The following TCF19 variants were observed in gnomAD, a reference collection of about 807,000 sequenced individuals.
TCF19 encodes transcription factor 19.
Under a neutral mutation model 18.3 loss-of-function variants are expected in TCF19, and 9 were observed. That is an observed-to-expected ratio of 0.49 (90% confidence interval 0.30 to 0.86). The LOEUF is 0.86. TCF19 is among the 40% of genes least tolerant of loss of function. TCF19 has a pLI of 0.07. For synonymous variants in TCF19, 176 were observed against 185.3 expected (o/e 0.95, Z 0.41); for missense variants, 376 against 464.3 (o/e 0.81, Z 1.75).
chr6:31,161,465 TCCGA>T lies in TCF19; in HGVS notation c.259_262del (p.Arg87SerfsTer9). 7.0e-7 allele frequency: 1 copy of T among 1,421,972 alleles called. No homozygotes were observed. Among genetic ancestry groups the T allele is most frequent in the Non-Finnish European group, 9.2e-7 (1 of 1,082,602 alleles). 88.1% of individuals were successfully genotyped at this position (1,421,972 alleles called of 1,614,324 possible). ...TCAACAGGTACTTTGGTCAATAATG[TCCGA>T]CTCCCAAGAGGTCACAGGCTGGAAT... is the stretch of plus-strand genomic sequence containing the variant. On this transcript the variant is annotated frameshift_variant, in exon 3 of 4. Coordinates refer to ENST00000376257, the MANE Select transcript of TCF19 (RefSeq NM_007109.3). LOFTEE classifies it high-confidence loss of function.
At position 31,163,608 on chromosome 6, in the gene TCF19, C is replaced by CCACG. The variant is rs1462970860; in HGVS notation, c.*892_*895dup. 5.1e-6 allele frequency: 5 copies of CCACG among 985,470 alleles called. No homozygotes were observed. The highest frequency in any genetic ancestry group is 6.0e-6 in the Non-Finnish European group (5 of 829,976). 61.0% of individuals were successfully genotyped at this position (985,470 alleles called of 1,614,324 possible). On this transcript the variant is annotated 3_prime_UTR_variant, in exon 4 of 4. Transcript: ENST00000376257. ...GTGATGGCTGTGACACAGCTCCACT[C>CCACG]CACGGGTGGACACAGCAGAGGGCAA...
chr6:31,161,017 G>C (rs1008087703), intron 2 of TCF19, among the ~76,000 whole-genome samples: 3 of 150,896 alleles, frequency 2.0e-5, no homozygotes, highest in African/African-American at 7.3e-5. Context: ...TTAGCCAGAC[G>C]TGGTGGCACA....
intron 2 of TCF19, 105 bp downstream of exon 2, chr6:31,159,812 A>G: frequency 2.6e-6 from 3 of 1,167,986 alleles, no homozygotes. Context: ...TACTCCCATC[A>G]GATTGGATGG....
Position 31,161,123 on chromosome 6 carries a change from C to A in TCF19, c.239-324C>A, listed in dbSNP as rs866469271. Among the ~76,000 whole-genome samples the A allele has an allele frequency of 1.6e-4, 17 of 105,800 alleles. No homozygotes were observed. The East Asian group carries it at 6.5e-3, about 40-fold the overall frequency. 69.4% of individuals were successfully genotyped at this position (105,800 alleles called of 152,430 possible). A position where few individuals can be genotyped will look rare whatever the true frequency, so the allele number is the denominator to read the frequency against. ...GAGCTGAGATTGCACTACTGCACTC[C>A]AGCTTGGGCAATAGAGCAAAACTCC... On this transcript the variant is annotated intron_variant, in intron 2 of 3. Transcript: ENST00000376257.
rs1776930402 is a variant in TCF19, at chr6:31,163,369, T to C, written c.*652T>C. The C allele has an allele frequency of 6.1e-6, 6 of 985,756 alleles. No individual in the cohort carries two copies. The highest frequency in any genetic ancestry group is 7.2e-6 in the Non-Finnish European group (6 of 830,168). 61.1% of individuals were successfully genotyped at this position (985,756 alleles called of 1,614,324 possible). A position where few individuals can be genotyped will look rare whatever the true frequency, so the allele number is the denominator to read the frequency against. On this transcript the variant is annotated 3_prime_UTR_variant, in exon 4 of 4. Coordinates refer to ENST00000376257, the MANE Select transcript of TCF19 (RefSeq NM_007109.3). ...GGAGAGATGGAAATACAAACCTGCT[T>C]ACTGGAAAGGTGCAAATATATGGGT...
rs1776840171 is a variant in TCF19, at chr6:31,162,345, G to A, written c.798-132G>A. On this transcript the variant is annotated intron_variant, in intron 3 of 3. Transcript: ENST00000376257. This position sits in a 1 kb window ranked among gnomAD's most constrained non-coding sequence, Gnocchi z 4.5. Reference sequence around the variant, plus strand: ...CACCCTATGTGTTTTTAAGGACAGAGTCCAGGCTCACCTTAGTTCTCAGAC... The same window carrying A: ...CACCCTATGTGTTTTTAAGGACAGAATCCAGGCTCACCTTAGTTCTCAGAC... The A allele has an allele frequency of 7.4e-7, 1 of 1,348,114 alleles. No individual in the cohort carries two copies. Among genetic ancestry groups the A allele is most frequent in the Non-Finnish European group, 1.0e-6 (1 of 989,348 alleles). 83.5% of individuals were successfully genotyped at this position (1,348,114 alleles called of 1,614,324 possible).
At position 31,159,210 on chromosome 6, in the gene TCF19, C is replaced by T; in HGVS notation, c.-260C>T. 2.1e-6 allele frequency: 1 copy of T among 482,394 alleles called. No homozygotes were observed. Among genetic ancestry groups the T allele is most frequent in the East Asian group, 3.3e-5 (1 of 30,438 alleles). 29.9% of individuals were successfully genotyped at this position (482,394 alleles called of 1,614,324 possible). On this transcript the variant is annotated 5_prime_UTR_variant, in exon 2 of 4. Transcript: ENST00000376257. ...CAAGTGAGGTGCCATAGGACGTGTT[C>T]CTGAGTTTGCATTGCACGGAGACCT...
Position 31,161,849 on chromosome 6 carries a change from C to T in TCF19, c.641C>T (p.Thr214Met), listed in dbSNP as rs748413036. 24 of 1,613,024 alleles carry T rather than the reference C, an allele frequency of 1.5e-5. 1 individual carries two copies. Among genetic ancestry groups the T allele is most frequent in the Middle Eastern group, 1.7e-4 (1 of 6,060 alleles). ...GCCCCACCTGGGGAAATGGGGACCA[C>T]GCCTTCTGCTCCACCACAACGCAAT... Reference protein sequence around the residue: ...VPAPPGEMGTTPSAPPQRNRR... With the variant: ...VPAPPGEMGTMPSAPPQRNRR... Residue 214 changes from threonine (T) to methionine (M), a missense_variant, in exon 3 of 4, where the codon ACG (threonine) becomes ATG (methionine). Thr to Met is a moderately conservative substitution (Grantham distance 81). Coordinates refer to ENST00000376257, the MANE Select transcript of TCF19 (RefSeq NM_007109.3).
In TCF19 at chr6:31,158,632, G is replaced by T. The variant is rs17197101; in HGVS notation, c.-664G>T. On this transcript the variant is annotated 5_prime_UTR_variant, in exon 1 of 4. Transcript: ENST00000376257. ...CTGTCAAACAGATGCAGCAACGTCG[G>T]CTCCTGCCGAGGAGCCCAAGGGGTC... The T allele has an allele frequency of 0.09, 13,655 of 152,306 alleles. 731 individuals are homozygous for T. The highest frequency in any genetic ancestry group is 0.19 in the Middle Eastern group (56 of 294). The allele number at this position is 152,306 out of a possible 1,614,324, so 9.4% of individuals were successfully genotyped here.
chr6:31,161,728 C>G lies in TCF19; in HGVS notation c.520C>G (p.Leu174Val), dbSNP rs947027874. Residue 174 changes from leucine (L) to valine (V), a missense_variant, in exon 3 of 4, where the codon CTG (leucine) becomes GTG (valine). Coordinates refer to ENST00000376257, the MANE Select transcript of TCF19 (RefSeq NM_007109.3). ...STFSPAPKAT[L>V]ILNSIGSLSK... The stretch of plus-strand genomic sequence containing the variant: ...CTTCTCCCCTGCCCCCAAGGCCACA[C>G]TGATCCTAAACTCCATAGGCAGCCT... The G allele has an allele frequency of 3.2e-6, 5 of 1,567,524 alleles. No individual in the cohort carries two copies. The highest frequency in any genetic ancestry group is 1.8e-5 in the Admixed American group (1 of 56,176).
intron 2 of TCF19, 36 bp downstream of exon 2, chr6:31,159,743 G>T: frequency 1.9e-6 from 3 of 1,607,930 alleles, no homozygotes; most frequent in Non-Finnish European, 2.6e-6. Flanking sequence ...CCCCTGGGTG[G>T]TTGAAGCGCC....
chr6:31,162,508 G>A lies in TCF19; in HGVS notation c.829G>A (p.Val277Met). ...NRRGRPRKYP[V>M]SAPMAPPAVG... ...ACGTGGCCGTCCTCGGAAGTACCCA[G>A]TGAGCGCTCCCATGGCTCCCCCTGC... The change falls in exon 4 of 4, where the codon GTG (valine) becomes ATG (methionine). Residue 277 changes from valine to methionine, a missense_variant. Physicochemically the swap from Val to Met is conservative, Grantham distance 21 (BLOSUM62 1). Transcript: ENST00000376257. The surrounding 1 kb of genome is among the most constrained non-coding windows in gnomAD (Gnocchi z 4.5). The A allele has an allele frequency of 6.2e-7, 1 of 1,612,394 alleles. No homozygotes were observed. The highest frequency in any genetic ancestry group is 8.5e-7 in the Non-Finnish European group (1 of 1,179,726).
rs762258908 is a variant in TCF19, at chr6:31,159,539, C to G, written c.70C>G (p.Pro24Ala). The change falls in exon 2 of 4, where the codon CCC (proline) becomes GCC (alanine). Residue 24 changes from proline (P) to alanine (A), a missense_variant. By Grantham distance (27) the Pro-to-Ala change is conservative. Transcript: ENST00000376257. ...RGGDLYTFHP[P>A]AGAGCTYRLG... is the part of the protein sequence containing the mutation. ...CGGTGATCTCTACACCTTCCACCCC[C>G]CCGCCGGGGCTGGCTGCACCTATCG... is the stretch of plus-strand genomic sequence containing the variant. 8.9e-5 allele frequency: 143 copies of G among 1,605,854 alleles called. No individual in the cohort carries two copies. Among genetic ancestry groups the G allele is most frequent in the Middle Eastern group, 1.7e-4 (1 of 5,820 alleles).
In TCF19 at chr6:31,163,470, G is replaced by T. The variant is rs1776937848; in HGVS notation, c.*753G>T. On this transcript the variant is annotated 3_prime_UTR_variant, in exon 4 of 4. Transcript: ENST00000376257. Reference sequence around the variant, plus strand: ...ACAGATCTATTGCCATTTAAATAAGGTAACTGGGATTTGGTTAAGTTCACA... The same window carrying T: ...ACAGATCTATTGCCATTTAAATAAGTTAACTGGGATTTGGTTAAGTTCACA... 2.0e-6 allele frequency: 2 copies of T among 985,308 alleles called. No individual in the cohort carries two copies. The highest frequency in any genetic ancestry group is 1.7e-5 in the African/African-American group (1 of 57,238). The allele number at this position is 985,308 out of a possible 1,614,324, so 61.0% of individuals were successfully genotyped here. A position where few individuals can be genotyped will look rare whatever the true frequency, so the allele number is the denominator to read the frequency against.
In TCF19 at chr6:31,163,694, T is replaced by G. The variant is rs1253691095; in HGVS notation, c.*977T>G. On this transcript the variant is annotated 3_prime_UTR_variant, in exon 4 of 4. Coordinates refer to ENST00000376257, the MANE Select transcript of TCF19 (RefSeq NM_007109.3). Reference sequence around the variant, plus strand: ...TAACCCACACATGGTACATGTGATTTTCTTTTGTGAGCCTTACACCAAGCC... The same window carrying G: ...TAACCCACACATGGTACATGTGATTGTCTTTTGTGAGCCTTACACCAAGCC... 1 of 985,374 alleles carries G rather than the reference T, an allele frequency of 1.0e-6. No individual in the cohort carries two copies. The highest frequency in any genetic ancestry group is 1.7e-5 in the African/African-American group (1 of 57,236). The allele number at this position is 985,374 out of a possible 1,614,324, so 61.0% of individuals were successfully genotyped here. A position where few individuals can be genotyped will look rare whatever the true frequency, so the allele number is the denominator to read the frequency against.
rs1340371791 is a variant in TCF19, at chr6:31,163,289, A to G, written c.*572A>G. On this transcript the variant is annotated 3_prime_UTR_variant, in exon 4 of 4. Transcript: ENST00000376257. ...GGGTCTGTGATATTCCTTGCTTTCC[A>G]GGGAGAATGTGCTTGGCAAGGTCTG... is the stretch of plus-strand genomic sequence containing the variant. 4.1e-6 allele frequency: 4 copies of G among 986,550 alleles called. No individual in the cohort carries two copies. The highest frequency in any genetic ancestry group is 4.8e-6 in the Non-Finnish European group (4 of 830,828). The allele number at this position is 986,550 out of a possible 1,614,324, so 61.1% of individuals were successfully genotyped here. A position where few individuals can be genotyped will look rare whatever the true frequency, so the allele number is the denominator to read the frequency against.
chr6:31,163,245 G>A lies in TCF19; in HGVS notation c.*528G>A. On this transcript the variant is annotated 3_prime_UTR_variant, in exon 4 of 4. Coordinates refer to ENST00000376257, the MANE Select transcript of TCF19 (RefSeq NM_007109.3). ...AGGACAAGCCGCTTCATTCACTCCT[G>A]GGCATTTACTCTTCTTGTGGGTCTG... The A allele has an allele frequency of 1.0e-6, 1 of 990,514 alleles. No homozygotes were observed. The highest frequency in any genetic ancestry group is 1.2e-6 in the Non-Finnish European group (1 of 832,864). The allele number at this position is 990,514 out of a possible 1,614,324, so 61.4% of individuals were successfully genotyped here.
rs771442282 is a variant in TCF19 at position 31,159,640 on chromosome 6, C to G, written c.171C>G (p.His57Gln). Residue 57 changes from histidine to glutamine, a missense_variant, in exon 2 of 4, where the codon CAC (histidine) becomes CAG (glutamine). His to Gln is a conservative substitution (Grantham distance 24). Coordinates refer to ENST00000376257, the MANE Select transcript of TCF19 (RefSeq NM_007109.3). The stretch of plus-strand genomic sequence containing the variant: ...AGCCTGGCCTCATCTCTGGGATCCA[C>G]GCCGAACTGCATGCCGAGCCCCGGG... ...QQEPGLISGI[H>Q]AELHAEPRGD... The G allele has an allele frequency of 6.2e-7, 1 of 1,613,978 alleles. No homozygotes were observed.
Position 31,163,348 on chromosome 6 carries a change from A to G in TCF19, c.*631A>G. 1 of 985,870 alleles carries G rather than the reference A, an allele frequency of 1.0e-6. No individual in the cohort carries two copies. The highest frequency in any genetic ancestry group is 1.2e-6 in the Non-Finnish European group (1 of 830,304). The allele number at this position is 985,870 out of a possible 1,614,324, so 61.1% of individuals were successfully genotyped here. ...ATTCAGAATCTTAGGGGAAGGGGAGAGATGGAAATACAAACCTGCTTACTG... is the reference window on the plus strand; with the variant it reads ...ATTCAGAATCTTAGGGGAAGGGGAGGGATGGAAATACAAACCTGCTTACTG... On this transcript the variant is annotated 3_prime_UTR_variant, in exon 4 of 4. Transcript: ENST00000376257.
Sources: allele counts gnomAD v4.1 joint callset (sites outside exome capture counted in the v4.1 genomes callset), GRCh38; gene constraint gnomAD v4.1.1; non-coding constraint Gnocchi (gnomAD v3.1); transcripts MANE v1.5; gene names NCBI Gene and HGNC (gene_info 2026-07-23, HGNC 2026-07-21).